XRN2: variants seen among roughly 807,000 people sequenced by gnomAD.
XRN2 encodes the protein DHM1-like protein.
Under a neutral mutation model 138.5 loss-of-function variants are expected in XRN2, and 44 were observed. That is an observed-to-expected ratio of 0.32 (90% confidence interval 0.25 to 0.41). The LOEUF (loss-of-function observed/expected upper bound fraction) is 0.41, where lower values mean the gene tolerates loss of function less well. XRN2 is among the 10% of genes least tolerant of loss of function. The pLI, the probability that XRN2 is intolerant of heterozygous loss-of-function variation, is 1.00. For missense variants in XRN2, 937 were observed against 1,169.3 expected (o/e 0.80, Z 2.90); for synonymous variants, 354 against 369.4 (o/e 0.96, Z 0.48).
chr20:21,305,455 A>G (rs535549940), intron 1 of XRN2, among the ~76,000 whole-genome samples: 2 of 147,062 alleles, frequency 1.4e-5, no homozygotes, highest in African/African-American at 5.0e-5. Flanking sequence ...GAGTTTTGCC[A>G]TGTTGGTCAG....
At chr20:21,348,064 C>A in intron 17 of XRN2, 82 bp from the exon 18 acceptor site, 3 of 1,043,906 alleles carry the variant, frequency 2.9e-6, no homozygotes, top group Admixed American at 7.7e-5. Flanking sequence ...TATAGGTTAA[C>A]AGTCTAATTT....
At position 21,331,760 on chromosome 20, in the gene XRN2, T is replaced by TTG; in HGVS notation, c.650-6_650-5dup. The TTG allele has an allele frequency of 1.2e-6, 2 of 1,605,214 alleles. No homozygotes were observed. ...ATTAATATAAATACATGTTTCTCTC[T>TTG]TGTTTAGCCCAGCCTAACCATGACC... On this transcript the variant is annotated splice_polypyrimidine_tract_variant and splice_region_variant and intron_variant, in intron 7 of 29. Transcript: ENST00000377191.
At chr20:21,352,866 G>C (rs2038526598) in intron 20 of XRN2, among the ~76,000 whole-genome samples, 1 of 151,960 alleles carries the variant, frequency 6.6e-6, no homozygotes, top group African/African-American at 2.4e-5. Context: ...GGCTCCCTCT[G>C]GGTATTGAAA....
intron 15 of XRN2, among the ~76,000 whole-genome samples, chr20:21,343,325 T>G (rs2122239437): frequency 6.6e-6 from 1 of 152,138 alleles, no homozygotes; most frequent in Non-Finnish European, 1.5e-5. Flanking sequence ...ATATGTTAAT[T>G]AAAATTAACG....
chr20:21,334,042 A>G (rs981311574), intron 12 of XRN2, 36 bp from the exon 13 acceptor site: 2 of 1,613,878 alleles, frequency 1.2e-6, no homozygotes, highest in Non-Finnish European at 1.7e-6. Context: ...TTGCTTTTAT[A>G]AGAAGATCAT....
At chr20:21,325,147 G>A (rs1036222726) in intron 1 of XRN2, among the ~76,000 whole-genome samples, 1 of 152,200 alleles carries the variant, frequency 6.6e-6, no homozygotes, top group African/African-American at 2.4e-5. Flanking sequence ...GATGTAGTAT[G>A]TACATGATGG....
At position 21,368,538 on chromosome 20, in the gene XRN2, C is replaced by T. The variant is rs764000304; in HGVS notation, c.2532C>T (p.Asn844=). The T allele has an allele frequency of 6.2e-7, 1 of 1,614,054 alleles. No individual in the cohort carries two copies. Among genetic ancestry groups the T allele is most frequent in the South Asian group, 1.1e-5 (1 of 91,074 alleles). Residue 844 remains asparagine (N), a synonymous_variant, in exon 27 of 30, where the codon AAC becomes AAT. Coordinates refer to ENST00000377191, the MANE Select transcript of XRN2 (RefSeq NM_012255.5). ...CACCACCTGTGACTTACCAGGGAAA[C>T]TTATACAGGCCGCTTTTGAGAGGAC... The part of the protein sequence containing the change: ...AAPPPVTYQG[N]LYRPLLRGQA...
At position 21,331,578 on chromosome 20, in the gene XRN2, T is replaced by TA; in HGVS notation, c.595dup (p.Ser199LysfsTer5). 6.2e-7 allele frequency: 1 copy of TA among 1,612,218 alleles called. No individual in the cohort carries two copies. The highest frequency in any genetic ancestry group is 8.5e-7 in the Non-Finnish European group (1 of 1,179,674). ...TTTTATAGGTTATTTTATCTGATGCTAGTGCTCCTGGTGAAGGAGAACATA... is the reference window on the plus strand; with the variant it reads ...TTTTATAGGTTATTTTATCTGATGCTAAGTGCTCCTGGTGAAGGAGAACATA... On this transcript the variant is annotated frameshift_variant, in exon 7 of 30. Coordinates refer to ENST00000377191, the MANE Select transcript of XRN2 (RefSeq NM_012255.5). LOFTEE classifies it high-confidence loss of function.
chr20:21,373,631 C>T (rs1442629665), intron 27 of XRN2, among the ~76,000 whole-genome samples: 1 of 152,206 alleles, frequency 6.6e-6, no homozygotes, highest in African/African-American at 2.4e-5. Context: ...CATGTTGTTG[C>T]CAACCCTTGG....
chr20:21,342,737 A>G (rs752529971), intron 15 of XRN2, among the ~76,000 whole-genome samples: 33 of 152,328 alleles, frequency 2.2e-4, no homozygotes, highest in Non-Finnish European at 4.1e-4. Flanking sequence ...CCTTGCAATA[A>G]CTTGTAAGGA....
At chr20:21,363,595 G>T (rs868136913) in intron 24 of XRN2, among the ~76,000 whole-genome samples, 3 of 152,200 alleles carry the variant, frequency 2.0e-5, no homozygotes, top group Non-Finnish European at 4.4e-5. Context: ...TGAGTAATAA[G>T]TATTGTTCAG....
chr20:21,350,427 G>C (rs1002552678), intron 20 of XRN2, among the ~76,000 whole-genome samples: 1 of 146,546 alleles, frequency 6.8e-6, no homozygotes, highest in Non-Finnish European at 1.5e-5. Flanking sequence ...TCGGGAGGCA[G>C]AGGCAGGAGA....
At chr20:21,372,816 A>G (rs1355613772) in intron 27 of XRN2, among the ~76,000 whole-genome samples, 1 of 150,910 alleles carries the variant, frequency 6.6e-6, no homozygotes, top group Non-Finnish European at 1.5e-5. Context: ...TCCAGGCACT[A>G]CCCCCTGCCC....
intron 1 of XRN2, among the ~76,000 whole-genome samples, chr20:21,310,430 G>T (rs2037863978): frequency 6.6e-6 from 1 of 152,076 alleles, no homozygotes; most frequent in Admixed American, 6.5e-5. Flanking sequence ...GGATTTTTCT[G>T]TTTCTCCTTT....
In XRN2 at chr20:21,377,339, C is replaced by G. The variant is rs148488142; in HGVS notation, c.2585-4655C>G. ...GTGGCGCAATCTCAGCTCGCTATAC[C>G]TCTGCCTTCCAGGTTCAAGTGATTC... On this transcript the variant is annotated intron_variant, in intron 27 of 29. Coordinates refer to ENST00000377191, the MANE Select transcript of XRN2 (RefSeq NM_012255.5). 1.4e-3 allele frequency among the ~76,000 whole-genome samples: 200 copies of G among 139,152 alleles called. 2 individuals carry two copies. The highest frequency in any genetic ancestry group is 5.2e-3 in the African/African-American group (190 of 36,768). The allele number at this position is 139,152 out of a possible 152,430, so 91.3% of individuals were successfully genotyped here. A position where few individuals can be genotyped will look rare whatever the true frequency, so the allele number is the denominator to read the frequency against.
intron 20 of XRN2, among the ~76,000 whole-genome samples, chr20:21,351,423 T>C (rs2038508987): frequency 6.6e-6 from 1 of 152,226 alleles, no homozygotes; most frequent in African/African-American, 2.4e-5. Flanking sequence ...TCAAATCCTT[T>C]GCTCAATTTT....
chr20:21,315,932 C>T (rs1166389946), intron 1 of XRN2, among the ~76,000 whole-genome samples: 1 of 152,196 alleles, frequency 6.6e-6, no homozygotes, highest in African/African-American at 2.4e-5. Context: ...TTTCCACTTT[C>T]TTGATGGTGT....
In XRN2 at chr20:21,333,851, T is replaced by C. The variant is rs2038249973; in HGVS notation, c.1067+14T>C. ...GTTAGAGATTAGGTATGTGCATTTG[T>C]GTAGCTTTTCAAACGACTGTTTTAG... is the stretch of plus-strand genomic sequence containing the variant. On this transcript the variant is annotated intron_variant, in intron 11 of 29. Coordinates refer to ENST00000377191, the MANE Select transcript of XRN2 (RefSeq NM_012255.5). 1.9e-6 allele frequency: 3 copies of C among 1,614,036 alleles called. No individual in the cohort carries two copies. In the South Asian group the frequency reaches 3.3e-5, roughly 18 times the overall value.
intron 29 of XRN2, among the ~76,000 whole-genome samples, chr20:21,387,316 T>G (rs2038947013): frequency 6.6e-6 from 1 of 152,194 alleles, no homozygotes. Context: ...AGGATATTGT[T>G]CTTCAATAGA....
Sources: gnomAD v4.1 joint callset for allele counts (sites outside exome capture counted in the v4.1 genomes callset) on GRCh38, gnomAD v4.1.1 for gene constraint, MANE v1.5 for transcripts, NCBI Gene and HGNC (gene_info 2026-07-23, HGNC 2026-07-21) for gene names.